UBR7: variants seen among roughly 807,000 people sequenced by gnomAD.
UBR7 encodes ubiquitin protein ligase E3 component n-recognin 7.
UBR7 carries 22 observed loss-of-function variants against 57.0 expected under a neutral mutation model. The observed-to-expected ratio is 0.39, with a 90% CI of 0.28 to 0.55. The LOEUF (loss-of-function observed/expected upper bound fraction) is 0.55, where lower values mean the gene tolerates loss of function less well. UBR7 is among the 20% of genes least tolerant of loss of function. UBR7 has a pLI of 0.69. For synonymous variants in UBR7, 167 were observed against 179.8 expected, an observed-to-expected ratio of 0.93 and a Z score of 0.57; for missense variants, 395 against 513.2, an observed-to-expected ratio of 0.77 and a Z score of 2.23.
intron 2 of UBR7, among the ~76,000 whole-genome samples, 176 bp downstream of exon 2, chr14:93,210,133 G>C (rs1894451212): frequency 6.8e-6 from 1 of 145,998 alleles, no homozygotes; most frequent in Non-Finnish European, 1.5e-5. Context: ...ACCCAGGCTG[G>C]AGTGCAGTGG....
At chr14:93,213,125 G>A (rs757914301) in intron 4 of UBR7, among the ~76,000 whole-genome samples, 7 of 151,826 alleles carry the variant, frequency 4.6e-5, no homozygotes, top group Non-Finnish European at 1.0e-4. Flanking sequence ...GTGACAGAGC[G>A]AGACCCTGTC....
intron 6 of UBR7, 98 bp downstream of exon 6, chr14:93,215,379 G>A (rs1263395): frequency 0.23 from 247,360 of 1,075,070 alleles, 31,714 homozygotes; most frequent in South Asian, 0.35. Flanking sequence ...ACTGGGCTCT[G>A]TGGTTATAAA....
At chr14:93,218,094 C>CAA (rs33950162) in intron 6 of UBR7, among the ~76,000 whole-genome samples, 7,697 of 134,308 alleles carry the variant, frequency 0.057, 291 homozygotes, top group African/African-American at 0.11. Context: ...AACTCTATCT[C>CAA]AAAAAAAAAA....
intron 6 of UBR7, 94 bp downstream of exon 6, chr14:93,215,375 C>T: frequency 1.8e-6 from 2 of 1,115,912 alleles, no homozygotes; most frequent in East Asian, 5.1e-5. Flanking sequence ...TTTAACTGGG[C>T]TCTGTGGTTA....
At chr14:93,218,048 C>G (rs1894624564) in intron 6 of UBR7, among the ~76,000 whole-genome samples, 1 of 149,970 alleles carries the variant, frequency 6.7e-6, no homozygotes, top group Admixed American at 6.7e-5. Context: ...GAGCCAAGAT[C>G]ACGCCATTGC....
In UBR7 at chr14:93,218,660, G is replaced by A. The variant is rs761261424; in HGVS notation, c.735G>A (p.Lys245=). The A allele has an allele frequency of 2.4e-5, 38 of 1,614,046 alleles. No individual in the cohort carries two copies. Among genetic ancestry groups the A allele is most frequent in the Non-Finnish European group, 2.9e-5 (34 of 1,180,050 alleles). The part of the protein sequence containing the change: ...TLKEDVPEQG[K]DDVREVKVEQ... Reference sequence around the variant, plus strand: ...AAGAGGATGTTCCAGAACAGGGAAAGGATGATGTCCGGGAGGTTAAAGTAG... The same window carrying A: ...AAGAGGATGTTCCAGAACAGGGAAAAGATGATGTCCGGGAGGTTAAAGTAG... The change falls in exon 7 of 11, where the codon AAG becomes AAA. Residue 245 remains lysine (K), a synonymous_variant. Transcript: ENST00000013070.
At chr14:93,221,850 G>C (rs1894713728) in intron 9 of UBR7, among the ~76,000 whole-genome samples, 1 of 152,138 alleles carries the variant, frequency 6.6e-6, no homozygotes, top group Admixed American at 6.5e-5. Context: ...AGGCATGGTG[G>C]CGCGTGCCTG....
chr14:93,215,427 T>C (rs1293854085), intron 6 of UBR7, 146 bp downstream of exon 6: 3 of 792,692 alleles, frequency 3.8e-6, no homozygotes, highest in South Asian at 3.0e-5. Context: ...GGCTCACGCC[T>C]GTAATCCCAG....
chr14:93,212,896 C>G (rs1162701138), intron 4 of UBR7, among the ~76,000 whole-genome samples: 4 of 152,178 alleles, frequency 2.6e-5, no homozygotes, highest in Non-Finnish European at 5.9e-5. Context: ...CATCCTCATA[C>G]AGTAATACAA....
chr14:93,210,663 T>C lies in UBR7; in HGVS notation c.300T>C (p.Asp100=), dbSNP rs757036648. ...CTTTTTTCAGAAATTTTCGTTGTGATTGTGGAAACAGCAAGTTTAAAAATT... is the reference window on the plus strand; with the variant it reads ...CTTTTTTCAGAAATTTTCGTTGTGACTGTGGAAACAGCAAGTTTAAAAATT... ...ELYTKRNFRC[D]CGNSKFKNLE... The change falls in exon 3 of 11, where the codon GAT becomes GAC. Residue 100 remains aspartate, a synonymous_variant. Transcript: ENST00000013070. 1.9e-6 allele frequency: 3 copies of C among 1,608,238 alleles called. No homozygotes were observed. The South Asian group carries it at 3.3e-5, about 18-fold the overall frequency.
chr14:93,211,955 A>G (rs1323100101), intron 3 of UBR7, 77 bp from the exon 4 acceptor site: 23 of 1,125,588 alleles, frequency 2.0e-5, no homozygotes, highest in Non-Finnish European at 3.0e-5. Context: ...AATGTATTGA[A>G]TGCATAAATT....
In UBR7 at chr14:93,212,073, C is replaced by T. The variant is rs376843000; in HGVS notation, c.387C>T (p.Asn129=). The change falls in exon 4 of 11, where the codon AAC becomes AAT. Residue 129 remains asparagine, a synonymous_variant. Transcript: ENST00000013070. ...KVNSGNKYND[N]FFGLYCICKR... is the part of the protein sequence containing the mutation. Reference sequence around the variant, plus strand: ...ATTCTGGCAATAAGTACAATGACAACTTTTTTGGATTGTACTGCATTTGCA... The same window carrying T: ...ATTCTGGCAATAAGTACAATGACAATTTTTTTGGATTGTACTGCATTTGCA... The T allele has an allele frequency of 1.2e-5, 19 of 1,613,112 alleles. No individual in the cohort carries two copies. The highest frequency in any genetic ancestry group is 2.2e-5 in the East Asian group (1 of 44,886).
chr14:93,208,732 C>T (rs1894420124), intron 1 of UBR7, among the ~76,000 whole-genome samples: 1 of 152,036 alleles, frequency 6.6e-6, no homozygotes, highest in Admixed American at 6.6e-5. Flanking sequence ...TACTGGCATC[C>T]CGGAAGCCTC....
rs201233800 is a variant in UBR7 at position 93,227,046 on chromosome 14, G to C, written c.*11G>C. ...TATTACTGCAGCTAGAGTGGAGTAT[G>C]AAGCTTTCTCATTCAAGCCAATGAA... is the stretch of plus-strand genomic sequence containing the variant. On this transcript the variant is annotated 3_prime_UTR_variant, in exon 11 of 11. Transcript: ENST00000013070. 1.3e-6 allele frequency: 2 copies of C among 1,591,674 alleles called. No homozygotes were observed. Among genetic ancestry groups the C allele is most frequent in the East Asian group, 2.2e-5 (1 of 44,622 alleles).
chr14:93,211,973 G>A, intron 3 of UBR7, 59 bp from the exon 4 acceptor site: 2 of 1,292,968 alleles, frequency 1.5e-6, no homozygotes, highest in Non-Finnish European at 2.2e-6. Context: ...ATTTTATAAT[G>A]TGTGAAATTA....
chr14:93,223,781 G>A (rs1046805839), intron 10 of UBR7: 14 of 738,838 alleles, frequency 1.9e-5, no homozygotes, highest in Non-Finnish European at 2.9e-5. Flanking sequence ...GCCCAGGTGC[G>A]GTGCCAGGCG....
At chr14:93,209,483 G>C (rs929736064) in intron 1 of UBR7, among the ~76,000 whole-genome samples, 4 of 152,162 alleles carry the variant, frequency 2.6e-5, no homozygotes, top group African/African-American at 7.2e-5. Context: ...GCTAATGCTT[G>C]TAATCCCAGC....
intron 1 of UBR7, among the ~76,000 whole-genome samples, chr14:93,207,894 G>T (rs1280987060): frequency 3.3e-5 from 5 of 152,310 alleles, no homozygotes; most frequent in Non-Finnish European, 5.9e-5. Context: ...GGGATTTGCG[G>T]TGAGCTCCTT....
rs1200446692 is a variant in UBR7 at position 93,220,470 on chromosome 14, AGGG to A, written c.1123+62_1123+64del. 13 of 1,593,996 alleles carry A rather than the reference AGGG, an allele frequency of 8.2e-6. No homozygotes were observed. The South Asian group carries it at 1.2e-4, about 15-fold the overall frequency. On this transcript the variant is annotated intron_variant, in intron 9 of 10. Transcript: ENST00000013070. ...TCCTTCACTATGTAAAAAAATATAA[AGGG>A]GGCAGTAAACACCTATATTTTTAAT...
Sources: allele counts gnomAD v4.1 joint callset (sites outside exome capture counted in the v4.1 genomes callset), GRCh38; gene constraint gnomAD v4.1.1; transcripts MANE v1.5; gene names NCBI Gene and HGNC (gene_info 2026-07-23, HGNC 2026-07-21).